TMEFF2: variants seen among roughly 807,000 people sequenced by gnomAD.
The protein encoded by TMEFF2 is transmembrane protein with EGF like and two follistatin like domains 2.
In TMEFF2, 28 loss-of-function variants were observed where a neutral mutation model predicts 53.8. That is an observed-to-expected ratio of 0.52 (90% CI 0.39 to 0.71). The LOEUF (loss-of-function observed/expected upper bound fraction) is 0.71, where lower values mean the gene tolerates loss of function less well. Among genes scored for constraint, TMEFF2 ranks in the 30% least tolerant of loss-of-function variants. TMEFF2 has a pLI of 0.00. For missense variants in TMEFF2, 353 were observed against 455.2 expected (o/e 0.78, Z 2.04); for synonymous variants, 162 against 166.3 (o/e 0.97, Z 0.20).
chr2:192,047,369 C>T (rs781732819), intron 5 of TMEFF2, among the ~76,000 whole-genome samples: 1 of 152,160 alleles, frequency 6.6e-6, no homozygotes, highest in Non-Finnish European at 1.5e-5. Flanking sequence ...TTATTATAAG[C>T]CCTTATGGCT....
At chr2:192,158,524 G>A (rs986843008) in intron 4 of TMEFF2, among the ~76,000 whole-genome samples, 3 of 152,056 alleles carry the variant, frequency 2.0e-5, no homozygotes, top group Non-Finnish European at 4.4e-5. Flanking sequence ...CTACTTTAAA[G>A]CATTTACATC....
intron 4 of TMEFF2, among the ~76,000 whole-genome samples, chr2:192,105,001 G>C (rs1444082832): frequency 6.6e-6 from 1 of 151,942 alleles, no homozygotes; most frequent in Non-Finnish European, 1.5e-5. Context: ...TGAATGTCGG[G>C]AAGAGATTTG....
chr2:192,070,746 G>A (rs1208260089), intron 4 of TMEFF2, among the ~76,000 whole-genome samples: 1 of 151,904 alleles, frequency 6.6e-6, no homozygotes, highest in Non-Finnish European at 1.5e-5. Flanking sequence ...GAAGTTCTAG[G>A]TAATAACAAG....
In TMEFF2 at chr2:192,071,952, T is replaced by A. The variant is rs1366414112; in HGVS notation, c.440-14177A>T. 2.0e-5 allele frequency among the ~76,000 whole-genome samples: 3 copies of A among 152,040 alleles called. No individual in the cohort carries two copies. The East Asian group carries it at 5.8e-4, about 30-fold the overall frequency. ...TAGTGATGTGGAGTTCAGCAGCTTATAACTAAAGTATGGGGAAAGGTGGCA... is the reference window on the plus strand; with the variant it reads ...TAGTGATGTGGAGTTCAGCAGCTTAAAACTAAAGTATGGGGAAAGGTGGCA... On this transcript the variant is annotated intron_variant, in intron 4 of 9. Transcript: ENST00000272771.
intron 4 of TMEFF2, among the ~76,000 whole-genome samples, chr2:192,173,742 A>G (rs1690970865): frequency 6.6e-6 from 1 of 151,788 alleles, no homozygotes. Flanking sequence ...ACTTGCTTTC[A>G]GGAGTCAGAG....
At chr2:192,147,053 A>G (rs1394331473) in intron 4 of TMEFF2, among the ~76,000 whole-genome samples, 2 of 152,114 alleles carry the variant, frequency 1.3e-5, no homozygotes, top group Admixed American at 1.3e-4. Context: ...TGACAACTGC[A>G]CTTTACTTTA....
At chr2:192,174,951 G>A (rs533613767) in intron 4 of TMEFF2, among the ~76,000 whole-genome samples, 1 of 151,590 alleles carries the variant, frequency 6.6e-6, no homozygotes, top group African/African-American at 2.4e-5. Context: ...CCTTTTACAA[G>A]CATATTTTAT....
intron 7 of TMEFF2, 91 bp downstream of exon 7, chr2:191,998,171 G>A (rs1686268915): frequency 2.0e-6 from 2 of 1,002,966 alleles, no homozygotes; most frequent in African/African-American, 1.7e-5. Flanking sequence ...AGTCTTGCAA[G>A]CTTCACTTTG....
intron 7 of TMEFF2, among the ~76,000 whole-genome samples, chr2:191,967,873 A>G (rs951930900): frequency 2.0e-5 from 3 of 152,076 alleles, no homozygotes; most frequent in Non-Finnish European, 4.4e-5. Context: ...GGAAGTCCTC[A>G]GGGGACCTCA....
chr2:192,001,756 C>G, intron 5 of TMEFF2, among the ~76,000 whole-genome samples: 1 of 78,894 alleles, frequency 1.3e-5, no homozygotes, highest in East Asian at 4.5e-4. Context: ...GCTGCCACAC[C>G]TTTCACCTTC....
intron 4 of TMEFF2, among the ~76,000 whole-genome samples, chr2:192,152,281 T>C (rs1690405917): frequency 6.6e-6 from 1 of 151,966 alleles, no homozygotes; most frequent in Non-Finnish European, 1.5e-5. Context: ...GATAGGAAAA[T>C]CAGTCATAGG....
rs3053715 is a variant in TMEFF2, at chr2:192,085,709, GAA to G, written c.440-27936_440-27935del. Among the ~76,000 whole-genome samples the G allele has an allele frequency of 1.8e-3, 259 of 142,310 alleles. 1 individual carries two copies. Among genetic ancestry groups the G allele is most frequent in the African/African-American group, 6.4e-3 (247 of 38,892 alleles). 93.4% of individuals were successfully genotyped at this position (142,310 alleles called of 152,430 possible). A position where few individuals can be genotyped will look rare whatever the true frequency, so the allele number is the denominator to read the frequency against. The stretch of plus-strand genomic sequence containing the variant: ...ATAGAAAGTGAACTCATAGAAGCAG[GAA>G]AAAAAAAAAAACCACAAAAGAGGTA... On this transcript the variant is annotated intron_variant, in intron 4 of 9. Transcript: ENST00000272771.
chr2:192,137,623 A>C (rs918212907), intron 4 of TMEFF2, among the ~76,000 whole-genome samples: 71 of 152,058 alleles, frequency 4.7e-4, no homozygotes, highest in Non-Finnish European at 8.8e-5. Flanking sequence ...TGGCAAGACC[A>C]ATAGTGGAGA....
At chr2:192,096,340 G>C (rs1207639854) in intron 4 of TMEFF2, among the ~76,000 whole-genome samples, 1 of 152,068 alleles carries the variant, frequency 6.6e-6, no homozygotes, top group African/African-American at 2.4e-5. Context: ...ACATGTGACT[G>C]TATGCTAGAT....
rs56336479 is a variant in TMEFF2 at position 192,006,060 on chromosome 2, C to CTTTT, written c.537-6856_537-6853dup. 4.8e-3 allele frequency among the ~76,000 whole-genome samples: 670 copies of CTTTT among 140,036 alleles called. 10 individuals carry two copies. The highest frequency in any genetic ancestry group is 0.028 in the East Asian group (136 of 4,830). 91.9% of individuals were successfully genotyped at this position (140,036 alleles called of 152,430 possible). Reference sequence around the variant, plus strand: ...ATGTCATTACTCAGGTCTCAGGTGACTTTTTTTTTTTTTTTTAACTTATAG... The same window carrying CTTTT: ...ATGTCATTACTCAGGTCTCAGGTGACTTTTTTTTTTTTTTTTTTTTAACTTATAG... On this transcript the variant is annotated intron_variant, in intron 5 of 9. Transcript: ENST00000272771.
intron 4 of TMEFF2, among the ~76,000 whole-genome samples, chr2:192,079,303 G>C (rs1428896607): frequency 6.6e-6 from 1 of 152,176 alleles, no homozygotes; most frequent in Non-Finnish European, 1.5e-5. Context: ...GCAAAATCTT[G>C]CCTCCTTTCC....
At chr2:192,007,784 G>A (rs1686534322) in intron 5 of TMEFF2, among the ~76,000 whole-genome samples, 1 of 152,154 alleles carries the variant, frequency 6.6e-6, no homozygotes, top group South Asian at 2.1e-4. Flanking sequence ...CCAGGCTACT[G>A]CTGTTAGGTA....
chr2:192,127,268 G>T (rs1251258750), intron 4 of TMEFF2, among the ~76,000 whole-genome samples: 1 of 152,156 alleles, frequency 6.6e-6, no homozygotes, highest in African/African-American at 2.4e-5. Context: ...GTATAATTTT[G>T]TAAATGCTCA....
chr2:192,105,710 A>G (rs1371990421), intron 4 of TMEFF2, among the ~76,000 whole-genome samples: 1 of 151,992 alleles, frequency 6.6e-6, no homozygotes, highest in East Asian at 1.9e-4. Flanking sequence ...GCCATAATAA[A>G]ACTAATTCCA....
Sources: allele counts gnomAD v4.1 joint callset (sites outside exome capture counted in the v4.1 genomes callset), GRCh38; gene constraint gnomAD v4.1.1; transcripts MANE v1.5; gene names NCBI Gene and HGNC (gene_info 2026-07-23, HGNC 2026-07-21).